Variants in AFF2 observed in about 807,000 individuals in gnomAD.
The protein encoded by AFF2 is ALF transcription elongation factor 2.
In AFF2, 14 loss-of-function variants were observed where a neutral mutation model predicts 76.9. The observed-to-expected ratio is 0.18, with a 90% CI of 0.12 to 0.28. The LOEUF (loss-of-function observed/expected upper bound fraction) is 0.28. AFF2 is among the 10% of genes least tolerant of loss of function. The pLI, the probability that AFF2 is intolerant of heterozygous loss-of-function variation, is 1.00. For missense variants in AFF2, 868 were observed against 1,001.1 expected (o/e 0.87, Z 1.79); for synonymous variants, 398 against 366.7 (o/e 1.09, Z -0.98).
intron 1 of AFF2, among the ~76,000 whole-genome samples, chrX:148,542,930 T>C (rs1241357451): frequency 1.8e-5 from 2 of 111,675 alleles, no homozygotes; most frequent in Non-Finnish European, 3.8e-5. Context: ...CTCCAAACCA[T>C]AGAGTTGATC....
intron 2 of AFF2, 43 bp from the exon 3 acceptor site, chrX:148,661,865 A>G (rs781986151): frequency 1.8e-6 from 2 of 1,140,650 alleles, no homozygotes; most frequent in Non-Finnish European, 2.3e-6. Context: ...ACACAAACCT[A>G]TTCATTCTCT....
At chrX:148,620,680 G>A (rs996920878) in intron 1 of AFF2, among the ~76,000 whole-genome samples, 12 of 110,696 alleles carry the variant, frequency 1.1e-4, no homozygotes, top group African/African-American at 3.3e-4. Context: ...GTCTTTTTAC[G>A]TATCCCTACC....
chrX:148,598,520 T>G (rs2053597153), intron 1 of AFF2, among the ~76,000 whole-genome samples: 1 of 112,451 alleles, frequency 8.9e-6, no homozygotes, highest in African/African-American at 3.2e-5. Context: ...GGCACTAGCG[T>G]TCTCCTATCC....
intron 8 of AFF2, among the ~76,000 whole-genome samples, chrX:148,889,923 C>T (rs1305632292): frequency 1.8e-5 from 2 of 111,990 alleles, no homozygotes; most frequent in Non-Finnish European, 3.8e-5. Context: ...TGATGCTATG[C>T]TTAGCACATA....
chrX:148,542,531 A>G (rs1196573385), intron 1 of AFF2, among the ~76,000 whole-genome samples: 1 of 111,567 alleles, frequency 9.0e-6, no homozygotes. Context: ...AAGGATACAC[A>G]TTTTGATCTT....
intron 1 of AFF2, among the ~76,000 whole-genome samples, chrX:148,609,037 A>G (rs2053701631): frequency 9.0e-6 from 1 of 111,411 alleles, no homozygotes; most frequent in Non-Finnish European, 1.9e-5. Flanking sequence ...GCTGACATTG[A>G]CTTTCCTCTG....
In AFF2 at chrX:149,000,219, G is replaced by T. The variant is rs896255497; in HGVS notation, c.*8887G>T. On this transcript the variant is annotated 3_prime_UTR_variant, in exon 21 of 21. Transcript: ENST00000370460. ...AGTCTTCTGAACCACCTTTTCTTGG[G>T]TGCAGATTTCCAACATTCATGCTCA... 4.5e-5 allele frequency: 5 copies of T among 112,253 alleles called. No individual in the cohort carries two copies. The highest frequency in any genetic ancestry group is 3.7e-4 in the South Asian group (1 of 2,717). The allele number at this position is 112,253 out of a possible 1,213,427, so 9.3% of individuals were successfully genotyped here.
rs1225517015 is a variant in AFF2, at chrX:148,753,657, C to G, written c.1042-56219C>G. Among the ~76,000 whole-genome samples, 3 of 112,068 alleles carry G rather than the reference C, an allele frequency of 2.7e-5. No individual in the cohort carries two copies. The Admixed American group carries it at 2.9e-4, about 11-fold the overall frequency. On this transcript the variant is annotated intron_variant, in intron 3 of 20. Transcript: ENST00000370460. ...ATGTCTCTGTTTTAATCTCCTGTAG[C>G]TATGATGTGTATCCTGCACTTTACC... is the stretch of plus-strand genomic sequence containing the variant.
rs782716419 is a variant in AFF2 at position 148,581,603 on chromosome X, C to T, written c.48-70396C>T. 4.9e-3 allele frequency among the ~76,000 whole-genome samples: 490 copies of T among 99,832 alleles called. 83 individuals carry two copies. Among genetic ancestry groups the T allele is most frequent in the African/African-American group, 0.021 (474 of 22,792 alleles). The allele number at this position is 99,832 out of a possible 115,157, so 86.7% of individuals were successfully genotyped here. On this transcript the variant is annotated intron_variant, in intron 1 of 20. Transcript: ENST00000370460. ...ACGTGTACACACATATATACGTATA[C>T]GTGTACACACATATATACGTATACG...
intron 3 of AFF2, among the ~76,000 whole-genome samples, chrX:148,696,398 T>C (rs2054722987): frequency 9.1e-6 from 1 of 110,018 alleles, no homozygotes; most frequent in Admixed American, 9.7e-5. Flanking sequence ...TGTACACATA[T>C]GTAACAAACC....
intron 3 of AFF2, among the ~76,000 whole-genome samples, chrX:148,736,759 A>C (rs1398026462): frequency 8.9e-6 from 1 of 112,117 alleles, no homozygotes; most frequent in African/African-American, 3.2e-5. Context: ...TCTTAGATTT[A>C]AGTTCTTAAT....
chrX:148,548,585 C>G (rs781913618), intron 1 of AFF2, among the ~76,000 whole-genome samples: 1 of 111,533 alleles, frequency 9.0e-6, no homozygotes, highest in Non-Finnish European at 1.9e-5. Flanking sequence ...CAGGCATGTG[C>G]CACCACACCA....
intron 18 of AFF2, 91 bp downstream of exon 18, chrX:148,978,546 A>G: frequency 1.5e-6 from 1 of 662,304 alleles, no homozygotes; most frequent in East Asian, 3.3e-5. Context: ...AAATGCTGCC[A>G]AAGGCTTAAC....
intron 9 of AFF2, among the ~76,000 whole-genome samples, chrX:148,931,869 T>C (rs1455508831): frequency 1.8e-5 from 2 of 112,192 alleles, no homozygotes; most frequent in Non-Finnish European, 3.8e-5. Context: ...GGACTGTTCA[T>C]TTGCTACTTA....
At chrX:148,534,901 G>C (rs782408453) in intron 1 of AFF2, among the ~76,000 whole-genome samples, 24 of 111,630 alleles carry the variant, frequency 2.1e-4, no homozygotes, top group Middle Eastern at 9.2e-3. Flanking sequence ...CTTGTTACCT[G>C]CTTGCTCAAT....
chrX:148,911,066 G>A (rs188085964), intron 9 of AFF2, among the ~76,000 whole-genome samples: 1,039 of 103,429 alleles, frequency 0.01, 11 homozygotes, highest in African/African-American at 0.036. Flanking sequence ...ATTCATGCAT[G>A]CACATAAATT....
At chrX:148,505,048 C>T (rs1420809398) in intron 1 of AFF2, among the ~76,000 whole-genome samples, 1 of 111,434 alleles carries the variant, frequency 9.0e-6, no homozygotes, top group Non-Finnish European at 1.9e-5. Context: ...TTCTCTACCT[C>T]CATCCATTTA....
rs1295509802 is a variant in AFF2, at chrX:149,000,001, TGC to T, written c.*8670_*8671del. 2.7e-5 allele frequency: 3 copies of T among 111,548 alleles called. No individual in the cohort carries two copies. The East Asian group carries it at 8.5e-4, about 32-fold the overall frequency. 9.2% of individuals were successfully genotyped at this position (111,548 alleles called of 1,213,427 possible). A position where few individuals can be genotyped will look rare whatever the true frequency, so the allele number is the denominator to read the frequency against. On this transcript the variant is annotated 3_prime_UTR_variant, in exon 21 of 21. Coordinates refer to ENST00000370460, the MANE Select transcript of AFF2 (RefSeq NM_002025.4). ...CTGCAGTCTAAAACCCTGGGGCCCGTGCCTGGCCTATGCTCCCTCCCAAGTAA... is the reference window on the plus strand; with the variant it reads ...CTGCAGTCTAAAACCCTGGGGCCCGTCTGGCCTATGCTCCCTCCCAAGTAA...
chrX:148,522,680 A>G (rs905988850), intron 1 of AFF2, among the ~76,000 whole-genome samples: 128 of 112,195 alleles, frequency 1.1e-3, no homozygotes, highest in African/African-American at 3.8e-3. Flanking sequence ...CAGTTGCACA[A>G]CGATTACTTA....
Sources: allele counts gnomAD v4.1 joint callset (sites outside exome capture counted in the v4.1 genomes callset), GRCh38; gene constraint gnomAD v4.1.1; transcripts MANE v1.5; gene names NCBI Gene and HGNC (gene_info 2026-07-23, HGNC 2026-07-21).